MYOF: variants seen among roughly 807,000 people sequenced by gnomAD.
MYOF encodes fer-1-like 3, myoferlin.
In MYOF, 244 loss-of-function variants were observed where a neutral mutation model predicts 284.2. That is an observed-to-expected ratio of 0.86 (90% CI 0.77 to 0.95). The LOEUF (loss-of-function observed/expected upper bound fraction) is 0.95. Among genes scored for constraint, MYOF ranks in the 40% least tolerant of loss-of-function variants. The pLI is 0.00. For synonymous variants in MYOF, 904 were observed against 919.7 expected (o/e 0.98, Z 0.31); for missense variants, 2,496 against 2,560.6 (o/e 0.97, Z 0.54).
intron 43 of MYOF, 56 bp downstream of exon 43, chr10:93,333,165 C>A: frequency 7.1e-7 from 1 of 1,416,794 alleles, no homozygotes; most frequent in Non-Finnish European, 1.0e-6. Context: ...TTAGAGTCTT[C>A]ATGCATGTTC....
At chr10:93,333,584 G>A (rs1380702348) in intron 42 of MYOF, among the ~76,000 whole-genome samples, 174 bp downstream of exon 42, 8 of 152,104 alleles carry the variant, frequency 5.3e-5, no homozygotes, top group South Asian at 2.1e-4. Context: ...TAAGCCCCCC[G>A]CAAGCTCTTA....
chr10:93,479,925 T>C (rs1200363025), intron 1 of MYOF, among the ~76,000 whole-genome samples: 1 of 152,252 alleles, frequency 6.6e-6, no homozygotes, highest in Non-Finnish European at 1.5e-5. Context: ...TTGCATTCAT[T>C]GACTTAGATA....
intron 43 of MYOF, 150 bp from the exon 44 acceptor site, chr10:93,329,984 G>T: frequency 2.8e-6 from 2 of 718,016 alleles, no homozygotes; most frequent in Non-Finnish European, 2.4e-6. Flanking sequence ...GGTGGTGGGT[G>T]GCTTGATAAA....
chr10:93,452,133 C>A lies in MYOF; in HGVS notation c.153G>T (p.Glu51Asp). The change falls in exon 3 of 54, where the codon GAG (glutamate) becomes GAT (aspartate). Residue 51 changes from glutamate to aspartate, a missense_variant. By Grantham distance (45) the Glu-to-Asp change is conservative. Coordinates refer to ENST00000359263, the MANE Select transcript of MYOF (RefSeq NM_013451.4). ...CCAGTGGTATACCCCTCAAGTCAAA[C>A]TCCAAAATCTGTTCACAGAAAGGTT... ...ELNPVWNEIL[E>D]FDLRGIPLDF... 1 of 1,603,656 alleles carries A rather than the reference C, an allele frequency of 6.2e-7. No individual in the cohort carries two copies. Among genetic ancestry groups the A allele is most frequent in the South Asian group, 1.1e-5 (1 of 88,394 alleles).
intron 10 of MYOF, 49 bp from the exon 11 acceptor site, chr10:93,402,396 G>A (rs1847338294): frequency 2.8e-6 from 4 of 1,423,616 alleles, no homozygotes; most frequent in Non-Finnish European, 4.0e-6. Context: ...AAAAGGTACT[G>A]ATAAGTCTGT....
chr10:93,448,296 C>A (rs962608852), intron 3 of MYOF, among the ~76,000 whole-genome samples: 2 of 151,426 alleles, frequency 1.3e-5, no homozygotes, highest in Non-Finnish European at 2.9e-5. Context: ...ATATTTAGGT[C>A]TCTGCTCAAT....
chr10:93,374,647 C>T, intron 23 of MYOF, 116 bp downstream of exon 23: 2 of 1,043,760 alleles, frequency 1.9e-6, no homozygotes, highest in Non-Finnish European at 2.7e-6. Flanking sequence ...TCTGTCAGAG[C>T]TGCTCAATAT....
At chr10:93,423,825 T>G (rs1589545859) in intron 5 of MYOF, among the ~76,000 whole-genome samples, 1 of 147,588 alleles carries the variant, frequency 6.8e-6, no homozygotes, top group Admixed American at 6.7e-5. Context: ...AGAGCCAGAC[T>G]CTGTCTAAAA....
intron 5 of MYOF, among the ~76,000 whole-genome samples, chr10:93,411,228 C>T (rs532440131): frequency 6.6e-6 from 1 of 152,302 alleles, no homozygotes; most frequent in South Asian, 2.1e-4. Context: ...TTTTAGAAAA[C>T]AGAAATTTAT....
chr10:93,409,345 G>T (rs931820994), intron 6 of MYOF, among the ~76,000 whole-genome samples: 5 of 152,160 alleles, frequency 3.3e-5, no homozygotes, highest in African/African-American at 1.2e-4. Context: ...AAGGGAAGGA[G>T]AATTATAGTT....
intron 19 of MYOF, among the ~76,000 whole-genome samples, chr10:93,386,347 G>A (rs909026043): frequency 3.3e-5 from 5 of 152,118 alleles, no homozygotes; most frequent in African/African-American, 1.2e-4. Context: ...TTCAGAGTGG[G>A]TAATGTTGTG....
At chr10:93,466,707 CTCACACCTGTAA>C (rs1215406228) in intron 1 of MYOF, among the ~76,000 whole-genome samples, 1 of 152,206 alleles carries the variant, frequency 6.6e-6, no homozygotes. Context: ...GGGCGCAGTG[CTCACACCTGTAA>C]TCCCAGCACT....
At chr10:93,445,615 C>T (rs2056407683) in intron 3 of MYOF, among the ~76,000 whole-genome samples, 2 of 152,224 alleles carry the variant, frequency 1.3e-5, no homozygotes, top group South Asian at 4.1e-4. Context: ...AACCCGCTCC[C>T]AGTGCCTGAG....
Position 93,316,335 on chromosome 10 carries a change from C to CG in MYOF, c.5698+378dup, listed in dbSNP as rs1240665388. On this transcript the variant is annotated intron_variant, in intron 50 of 53. Transcript: ENST00000359263. The stretch of plus-strand genomic sequence containing the variant: ...ATGGGCCTAGGGACAGGAGAAATGG[C>CG]GGGGGGGTTGGGGACCTTGGTAACT... Among the ~76,000 whole-genome samples the CG allele has an allele frequency of 9.3e-5, 14 of 149,964 alleles. No individual in the cohort carries two copies. In the South Asian group the frequency reaches 1.3e-3, roughly 14 times the overall value.
chr10:93,477,833 C>T (rs533536046), intron 1 of MYOF, among the ~76,000 whole-genome samples: 11 of 152,164 alleles, frequency 7.2e-5, no homozygotes, highest in Non-Finnish European at 1.0e-4. Context: ...GGTGACAGAG[C>T]GAGACTCCAT....
chr10:93,337,341 C>A (rs1262606439), intron 40 of MYOF, among the ~76,000 whole-genome samples: 2 of 152,022 alleles, frequency 1.3e-5, no homozygotes, highest in African/African-American at 4.8e-5. Flanking sequence ...CTAGCTCAGT[C>A]GCTTGTCTTC....
At position 93,319,879 on chromosome 10, in the gene MYOF, G is replaced by T. The variant is rs146626145; in HGVS notation, c.5591C>A (p.Ala1864Glu). The change falls in exon 49 of 54, where the codon GCG becomes GAG. Residue 1864 changes from alanine to glutamate, a missense_variant. By Grantham distance (107) the Ala-to-Glu change is moderately radical. This residue lies in a region of MYOF where 2,436 missense variants were observed against 2,480.7 expected (regional missense o/e 0.98). Coordinates refer to ENST00000359263, the MANE Select transcript of MYOF (RefSeq NM_013451.4). ...YLPAEQLCIVAKKEHFWSIDQ... is the reference protein window; with the variant it reads ...YLPAEQLCIVEKKEHFWSIDQ... Reference sequence around the variant, plus strand: ...GCATATTTCAGAGCTCACTTTTTTCGCAACGATACAGAGTTGTTCGGCTGG... The same window carrying T: ...GCATATTTCAGAGCTCACTTTTTTCTCAACGATACAGAGTTGTTCGGCTGG... 1 of 1,613,700 alleles carries T rather than the reference G, an allele frequency of 6.2e-7. No individual in the cohort carries two copies. The highest frequency in any genetic ancestry group is 8.5e-7 in the Non-Finnish European group (1 of 1,179,920).
At chr10:93,383,273 G>C (rs1402138037) in intron 19 of MYOF, among the ~76,000 whole-genome samples, 1 of 152,094 alleles carries the variant, frequency 6.6e-6, no homozygotes, top group Non-Finnish European at 1.5e-5. Context: ...AGAACCCCTG[G>C]ACATCCTTCT....
intron 29 of MYOF, 56 bp downstream of exon 29, chr10:93,359,777 T>C: frequency 6.2e-7 from 1 of 1,603,108 alleles, no homozygotes; most frequent in East Asian, 2.2e-5. Flanking sequence ...AGCTGGGACT[T>C]TGTAGTCAGG....
Sources: allele counts gnomAD v4.1 joint callset (sites outside exome capture counted in the v4.1 genomes callset), GRCh38; gene constraint gnomAD v4.1.1; regional missense constraint gnomAD v4.1.1; transcripts MANE v1.5; gene names NCBI Gene and HGNC (gene_info 2026-07-23, HGNC 2026-07-21).